The following SNTG1 variants were observed in gnomAD, a reference collection of about 807,000 sequenced individuals.
The protein encoded by SNTG1 is gamma-1-syntrophin.
Under a neutral mutation model 74.7 loss-of-function variants are expected in SNTG1, and 39 were observed. The observed-to-expected ratio is 0.52, with a 90% CI of 0.40 to 0.68. SNTG1 has a LOEUF of 0.68. Ranked by LOEUF, SNTG1 falls within the 30% of genes least tolerant of loss-of-function variation. SNTG1 has a pLI of 0.00. For missense variants in SNTG1, 685 were observed against 609.5 expected (o/e 1.12, Z -1.30); for synonymous variants, 254 against 217.1 (o/e 1.17, Z -1.49).
chr8:50,457,086 AG>A (rs1315614013), intron 8 of SNTG1: 11 of 152,186 alleles, frequency 7.2e-5, no homozygotes, highest in Non-Finnish European at 1.6e-4. Flanking sequence ...TCAAGGTAAA[AG>A]TTTTGTCACA....
At chr8:50,754,286 C>T (rs963060999) in intron 18 of SNTG1, among the ~76,000 whole-genome samples, 4 of 151,884 alleles carry the variant, frequency 2.6e-5, no homozygotes, top group Non-Finnish European at 5.9e-5. Context: ...ATAGTGGCTA[C>T]AGAATATAGA....
At chr8:50,741,072 T>G (rs2131662959) in intron 17 of SNTG1, among the ~76,000 whole-genome samples, 1 of 152,134 alleles carries the variant, frequency 6.6e-6, no homozygotes, top group East Asian at 1.9e-4. Flanking sequence ...CAAAATAATC[T>G]GTACAAAACT....
At chr8:50,659,064 A>C (rs530105756) in intron 15 of SNTG1, among the ~76,000 whole-genome samples, 1 of 152,196 alleles carries the variant, frequency 6.6e-6, no homozygotes, top group South Asian at 2.1e-4. Context: ...TGAGACCTGG[A>C]ATTAGAAAAT....
chr8:50,317,977 C>CA (rs1165371381), intron 2 of SNTG1, among the ~76,000 whole-genome samples: 1 of 152,166 alleles, frequency 6.6e-6, no homozygotes, highest in Non-Finnish European at 1.5e-5. Flanking sequence ...GCTGGGACTA[C>CA]AGGCGCTCGC....
At chr8:50,554,513 T>C (rs796744477) in intron 12 of SNTG1, among the ~76,000 whole-genome samples, 2 of 149,822 alleles carry the variant, frequency 1.3e-5, no homozygotes, top group African/African-American at 4.9e-5. Flanking sequence ...AGGATAGGTG[T>C]AAATACACCA....
chr8:49,999,645 C>G (rs1007297088), intron 1 of SNTG1, among the ~76,000 whole-genome samples: 1 of 152,142 alleles, frequency 6.6e-6, no homozygotes, highest in Non-Finnish European at 1.5e-5. Context: ...CACTCTTCCC[C>G]CAATGTCTGC....
At chr8:50,479,189 A>G (rs2093720192) in intron 8 of SNTG1, among the ~76,000 whole-genome samples, 1 of 152,178 alleles carries the variant, frequency 6.6e-6, no homozygotes, top group Non-Finnish European at 1.5e-5. Flanking sequence ...CCATTTGAAG[A>G]AAGTAGTTTG....
intron 1 of SNTG1, among the ~76,000 whole-genome samples, chr8:50,160,278 T>G (rs2082374321): frequency 6.6e-6 from 1 of 152,198 alleles, no homozygotes; most frequent in Admixed American, 6.5e-5. Flanking sequence ...TACAGCAAAT[T>G]GACTTTCAAT....
At chr8:50,169,909 A>T (rs2131641210) in intron 1 of SNTG1, among the ~76,000 whole-genome samples, 1 of 152,302 alleles carries the variant, frequency 6.6e-6, no homozygotes, top group South Asian at 2.1e-4. Context: ...GTGTTCACCC[A>T]CTGCACTCTA....
At chr8:49,933,518 G>A (rs952709060) in intron 1 of SNTG1, among the ~76,000 whole-genome samples, 1 of 152,078 alleles carries the variant, frequency 6.6e-6, no homozygotes, top group African/African-American at 2.4e-5. Flanking sequence ...TGTTGTAGAG[G>A]CCAACTGTAT....
At chr8:50,210,503 A>G (rs776514155) in intron 2 of SNTG1, among the ~76,000 whole-genome samples, 4 of 152,194 alleles carry the variant, frequency 2.6e-5, no homozygotes, top group Non-Finnish European at 5.9e-5. Flanking sequence ...CCACAAAGGG[A>G]AGGCCAGCAG....
chr8:49,934,324 T>TATCTATC (rs1563365372), intron 1 of SNTG1, among the ~76,000 whole-genome samples: 5 of 148,994 alleles, frequency 3.4e-5, no homozygotes. Flanking sequence ...TCTATCTATC[T>TATCTATC]ATCTATCTAT....
intron 2 of SNTG1, among the ~76,000 whole-genome samples, chr8:50,358,292 C>G (rs2091872964): frequency 6.6e-6 from 1 of 152,216 alleles, no homozygotes; most frequent in Admixed American, 6.5e-5. Context: ...AACGCTCACA[C>G]TCCTACATCT....
intron 12 of SNTG1, among the ~76,000 whole-genome samples, chr8:50,576,104 A>G (rs2130790779): frequency 6.6e-6 from 1 of 152,272 alleles, no homozygotes; most frequent in Non-Finnish European, 1.5e-5. Context: ...ATGCATCCCA[A>G]AAATGTTTTA....
Position 50,737,112 on chromosome 8 carries a change from A to G in SNTG1, c.1285-14889A>G, listed in dbSNP as rs555351510. 1.7e-4 allele frequency among the ~76,000 whole-genome samples: 26 copies of G among 152,236 alleles called. No homozygotes were observed. The South Asian group carries it at 5.4e-3, about 32-fold the overall frequency. On this transcript the variant is annotated intron_variant, in intron 17 of 18. Coordinates refer to ENST00000642720, the MANE Select transcript of SNTG1 (RefSeq NM_018967.5). The stretch of plus-strand genomic sequence containing the variant: ...ACATGAAAAACCCTTCAAAAAATCA[A>G]TGAATCCAGGAGCTGGTTTTTTGAA...
intron 17 of SNTG1, among the ~76,000 whole-genome samples, chr8:50,710,827 G>A (rs2095459531): frequency 6.6e-6 from 1 of 152,288 alleles, no homozygotes; most frequent in South Asian, 2.1e-4. Flanking sequence ...AGTAGGAAAT[G>A]AGAATTTAAT....
At chr8:50,496,025 G>C (rs947033253) in intron 8 of SNTG1, among the ~76,000 whole-genome samples, 1 of 152,124 alleles carries the variant, frequency 6.6e-6, no homozygotes, top group Non-Finnish European at 1.5e-5. Flanking sequence ...TCCACGTATA[G>C]TCAGTATTTT....
At chr8:50,158,113 C>G (rs942645546) in intron 1 of SNTG1, among the ~76,000 whole-genome samples, 6 of 152,076 alleles carry the variant, frequency 3.9e-5, no homozygotes, top group African/African-American at 1.4e-4. Flanking sequence ...ATTTAGACAT[C>G]AAGATAGGCA....
intron 17 of SNTG1, among the ~76,000 whole-genome samples, chr8:50,726,646 G>C (rs1470836891): frequency 6.6e-6 from 1 of 152,088 alleles, no homozygotes; most frequent in African/African-American, 2.4e-5. Context: ...TCAGGAGATC[G>C]AGACCAGCCT....
Sources: allele counts gnomAD v4.1 joint callset (sites outside exome capture counted in the v4.1 genomes callset), GRCh38; gene constraint gnomAD v4.1.1; transcripts MANE v1.5; gene names NCBI Gene and HGNC (gene_info 2026-07-23, HGNC 2026-07-21).